The following IQCM variants were observed in gnomAD, a reference collection of about 807,000 sequenced individuals.
The protein encoded by IQCM is IQ domain-containing protein M.
In IQCM, 45 loss-of-function variants were observed where a neutral mutation model predicts 57.6. The ratio of observed to expected loss-of-function variants is 0.78; its 90% CI spans 0.62 to 1.00. IQCM has a LOEUF of 1.00. Ranked by LOEUF, IQCM falls within the 50% of genes least tolerant of loss-of-function variation. The pLI, the probability that IQCM is intolerant of heterozygous loss-of-function variation, is 0.00. For missense variants in IQCM, 468 were observed against 511.6 expected (o/e 0.91, Z 0.82); for synonymous variants, 148 against 158.9 (o/e 0.93, Z 0.51).
chr4:149,426,785 A>G (rs1734490135), intron 13 of IQCM, among the ~76,000 whole-genome samples: 1 of 151,764 alleles, frequency 6.6e-6, no homozygotes, highest in African/African-American at 2.4e-5. Context: ...AAGAAGCCAG[A>G]CTCTCTTTTA....
chr4:149,557,673 A>G (rs907337349), intron 10 of IQCM, among the ~76,000 whole-genome samples: 4 of 151,058 alleles, frequency 2.6e-5, no homozygotes, highest in Admixed American at 2.6e-4. Context: ...CCCACCGGCA[A>G]GTCTAAACAC....
chr4:149,628,776 T>C (rs6842559), intron 7 of IQCM, among the ~76,000 whole-genome samples: 3,622 of 152,190 alleles, frequency 0.024, 106 homozygotes, highest in South Asian at 0.15. Context: ...ACTTCAATGA[T>C]AAGAATAAAG....
intron 7 of IQCM, among the ~76,000 whole-genome samples, chr4:149,662,850 TCCA>T (rs1760347045): frequency 6.6e-6 from 1 of 152,038 alleles, no homozygotes; most frequent in African/African-American, 2.4e-5. Context: ...TGTTTTTATG[TCCA>T]TTCACTCACT....
chr4:149,534,369 G>A (rs1260285208), intron 12 of IQCM, among the ~76,000 whole-genome samples: 3 of 152,120 alleles, frequency 2.0e-5, no homozygotes, highest in Non-Finnish European at 4.4e-5. Flanking sequence ...CTTTATTATA[G>A]GAAGTTGTTA....
At chr4:149,573,809 T>G (rs1054823586) in intron 9 of IQCM, among the ~76,000 whole-genome samples, 1 of 151,946 alleles carries the variant, frequency 6.6e-6, no homozygotes, top group South Asian at 2.1e-4. Flanking sequence ...ATAGTTTTGT[T>G]GGATGATTAT....
chr4:149,693,109 C>T (rs1763062234), intron 5 of IQCM, among the ~76,000 whole-genome samples: 1 of 152,148 alleles, frequency 6.6e-6, no homozygotes, highest in Non-Finnish European at 1.5e-5. Context: ...ATTCATTCAC[C>T]TGAGCTCAAT....
At chr4:149,354,470 A>G (rs2110872086) in intron 13 of IQCM, among the ~76,000 whole-genome samples, 1 of 151,710 alleles carries the variant, frequency 6.6e-6, no homozygotes, top group Middle Eastern at 3.4e-3. Context: ...GCAACCACAG[A>G]TTAGTGTCCT....
chr4:149,754,063 A>G (rs1768728654), intron 2 of IQCM, among the ~76,000 whole-genome samples: 1 of 152,044 alleles, frequency 6.6e-6, no homozygotes, highest in African/African-American at 2.4e-5. Context: ...TGCCCTTGCT[A>G]CTTTAAACTG....
intron 10 of IQCM, among the ~76,000 whole-genome samples, chr4:149,561,225 C>CTTTATCA (rs1750090475): frequency 6.6e-6 from 1 of 151,996 alleles, no homozygotes; most frequent in East Asian, 1.9e-4. Context: ...AGAAATTCAG[C>CTTTATCA]ATTTTCCTTA....
intron 7 of IQCM, among the ~76,000 whole-genome samples, chr4:149,643,162 T>C (rs1234398704): frequency 1.3e-5 from 2 of 152,148 alleles, no homozygotes; most frequent in African/African-American, 4.8e-5. Flanking sequence ...TTGTAACGCC[T>C]AGTATTTCAG....
chr4:149,436,930 T>C (rs187170592), intron 12 of IQCM, among the ~76,000 whole-genome samples: 133 of 152,258 alleles, frequency 8.7e-4, no homozygotes, highest in Non-Finnish European at 1.4e-3. Context: ...AAGCAGGTTA[T>C]ATACATTTGC....
At position 149,355,881 on chromosome 4, in the gene IQCM, T is replaced by G. The variant is rs1241626502; in HGVS notation, c.1391-3815A>C. ...ACCAACAGTGTAAAAGTGTTCTTAT[T>G]TCTCCACATCCTCTCCAGCACCTGT... On this transcript the variant is annotated intron_variant, in intron 13 of 13. Transcript: ENST00000636793. Among the ~76,000 whole-genome samples, 3 of 152,074 alleles carry G rather than the reference T, an allele frequency of 2.0e-5. No individual in the cohort carries two copies. In the South Asian group the frequency reaches 6.2e-4, roughly 32 times the overall value.
At chr4:149,531,812 A>G (rs1448488926) in intron 12 of IQCM, among the ~76,000 whole-genome samples, 1 of 152,100 alleles carries the variant, frequency 6.6e-6, no homozygotes, top group Non-Finnish European at 1.5e-5. Context: ...CAATTAGAAT[A>G]ATGATCTTTT....
intron 13 of IQCM, among the ~76,000 whole-genome samples, chr4:149,365,778 A>T (rs1395539865): frequency 6.6e-6 from 1 of 152,176 alleles, no homozygotes; most frequent in East Asian, 1.9e-4. Flanking sequence ...CAAAATACCC[A>T]ATCGGTAATC....
chr4:149,688,508 G>A (rs1415687774), intron 5 of IQCM, among the ~76,000 whole-genome samples: 2 of 152,054 alleles, frequency 1.3e-5, no homozygotes, highest in Admixed American at 1.3e-4. Flanking sequence ...AATCAATATT[G>A]TGAAAATGAC....
Position 149,754,950 on chromosome 4 carries a change from G to T in IQCM, c.-48-12211C>A, listed in dbSNP as rs536283657. ...ACTGAGTTCCTGATCCTATTCTGAT[G>T]ATTTCTCCCTCAGCAAATGACATCT... On this transcript the variant is annotated intron_variant, in intron 2 of 13. Transcript: ENST00000636793. 2.6e-5 allele frequency among the ~76,000 whole-genome samples: 4 copies of T among 152,238 alleles called. No individual in the cohort carries two copies. The East Asian group carries it at 5.8e-4, about 22-fold the overall frequency.
At chr4:149,643,305 A>C (rs190280013) in intron 7 of IQCM, among the ~76,000 whole-genome samples, 1 of 152,332 alleles carries the variant, frequency 6.6e-6, no homozygotes, top group East Asian at 1.9e-4. Context: ...GAACAAGAAG[A>C]AGCCCCAGGC....
chr4:149,686,038 G>T (rs1762522690), intron 6 of IQCM, among the ~76,000 whole-genome samples: 1 of 151,566 alleles, frequency 6.6e-6, no homozygotes, highest in East Asian at 1.9e-4. Context: ...CTCCATAATT[G>T]CTGCAGATGA....
chr4:149,384,372 G>A (rs777285760), intron 13 of IQCM, among the ~76,000 whole-genome samples: 2 of 151,948 alleles, frequency 1.3e-5, no homozygotes, highest in Non-Finnish European at 2.9e-5. Flanking sequence ...CTAAAAATAG[G>A]GCATACATTT....
Sources: allele counts gnomAD v4.1 joint callset (sites outside exome capture counted in the v4.1 genomes callset), GRCh38; gene constraint gnomAD v4.1.1; transcripts MANE v1.5; gene names NCBI Gene and HGNC (gene_info 2026-07-23, HGNC 2026-07-21).